Variants in PDE10A observed in about 807,000 individuals in gnomAD.
PDE10A encodes phosphodiesterase 10A, also known as cAMP and cAMP-inhibited cGMP 3',5'-cyclic phosphodiesterase 10A.
Under a neutral mutation model 97.7 loss-of-function variants are expected in PDE10A, and 39 were observed. The ratio of observed to expected loss-of-function variants is 0.40; its 90% CI spans 0.31 to 0.52. The LOEUF (loss-of-function observed/expected upper bound fraction) is 0.52, where lower values mean the gene tolerates loss of function less well. PDE10A is among the 20% of genes least tolerant of loss of function. The pLI, the probability that PDE10A is intolerant of heterozygous loss-of-function variation, is 0.56. For missense variants in PDE10A, 731 were observed against 1,047.8 expected (o/e 0.70, Z 4.17); for synonymous variants, 371 against 376.8 (o/e 0.98, Z 0.18).
intron 1 of PDE10A, among the ~76,000 whole-genome samples, chr6:165,551,143 A>G (rs1021064774): frequency 6.6e-6 from 1 of 152,190 alleles, no homozygotes; most frequent in Non-Finnish European, 1.5e-5. Flanking sequence ...CCAACTGCAT[A>G]CAATTGTTCT....
At chr6:165,443,474 C>T (rs944382616) in intron 5 of PDE10A, among the ~76,000 whole-genome samples, 3 of 152,160 alleles carry the variant, frequency 2.0e-5, no homozygotes, top group East Asian at 1.9e-4. Flanking sequence ...CTTTCATGGG[C>T]TGGTGTTCAA....
intron 1 of PDE10A, among the ~76,000 whole-genome samples, chr6:165,559,627 C>A (rs1337884433): frequency 1.3e-5 from 2 of 152,052 alleles, no homozygotes; most frequent in East Asian, 3.9e-4. Flanking sequence ...AGAGGATAAC[C>A]TTTTGTGGTA....
rs1204173594 is a variant in PDE10A, at chr6:165,661,866, C to T, written c.865+81G>A. 7 of 688,688 alleles carry T rather than the reference C, an allele frequency of 1.0e-5. No homozygotes were observed. The highest frequency in any genetic ancestry group is 3.3e-5 in the South Asian group (2 of 61,248). The allele number at this position is 688,688 out of a possible 1,614,324, so 42.7% of individuals were successfully genotyped here. The stretch of plus-strand genomic sequence containing the variant: ...CACCTCGCTCGACACCCGCTTCCCA[C>T]CCAGCAGTCCAAGCCCCCCACCTGC... On this transcript the variant is annotated intron_variant, in intron 1 of 21. Transcript: ENST00000539869. The surrounding 1 kb of genome is among the most constrained non-coding windows in gnomAD (Gnocchi z 4.8).
At chr6:165,980,133 T>C (rs1784969148) in intron 1 of PDE10A, among the ~76,000 whole-genome samples, 1 of 152,226 alleles carries the variant, frequency 6.6e-6, no homozygotes. Flanking sequence ...GCTGGGACTT[T>C]CTACATTTCA....
At chr6:165,669,110 G>A (rs1042172675) in intron 1 of PDE10A, among the ~76,000 whole-genome samples, 1 of 151,886 alleles carries the variant, frequency 6.6e-6, no homozygotes, top group African/African-American at 2.4e-5. Context: ...TGCAAGAGCA[G>A]CCAATTGGGA....
chr6:165,839,857 CTG>C (rs1780179241), intron 1 of PDE10A, among the ~76,000 whole-genome samples: 19 of 84,864 alleles, frequency 2.2e-4, no homozygotes, highest in African/African-American at 3.1e-4. Context: ...ATCTCCATCC[CTG>C]TCTCCATTCC....
At chr6:165,634,477 A>G (rs888349676) in intron 1 of PDE10A, among the ~76,000 whole-genome samples, 1 of 152,226 alleles carries the variant, frequency 6.6e-6, no homozygotes, top group Non-Finnish European at 1.5e-5. Flanking sequence ...ATAAATGAAG[A>G]TTACTTACCT....
intron 1 of PDE10A, among the ~76,000 whole-genome samples, chr6:165,784,952 A>G (rs1778454329): frequency 6.6e-6 from 1 of 152,220 alleles, no homozygotes; most frequent in African/African-American, 2.4e-5. Context: ...CCAGGAACCA[A>G]TGCTGTCCTT....
chr6:165,363,706 C>T (rs1200850318), intron 18 of PDE10A, among the ~76,000 whole-genome samples: 1 of 151,544 alleles, frequency 6.6e-6, no homozygotes, highest in East Asian at 1.9e-4. Flanking sequence ...ATCGGTAGTA[C>T]AAAAATCAAT....
intron 1 of PDE10A, among the ~76,000 whole-genome samples, chr6:165,685,339 A>G (rs1791085822): frequency 1.3e-5 from 2 of 151,970 alleles, no homozygotes. Flanking sequence ...GCTTGTGCAG[A>G]TGAGTCAAAT....
intron 1 of PDE10A, among the ~76,000 whole-genome samples, chr6:165,753,427 C>A (rs1426712280): frequency 6.6e-6 from 1 of 152,208 alleles, no homozygotes; most frequent in African/African-American, 2.4e-5. Context: ...GAGGGCCAGA[C>A]AAGGGGGCAG....
intron 1 of PDE10A, among the ~76,000 whole-genome samples, chr6:165,889,720 C>T (rs1374362162): frequency 1.3e-5 from 2 of 152,110 alleles, no homozygotes; most frequent in South Asian, 2.1e-4. Context: ...TGACTCTACT[C>T]GGAAACTATG....
chr6:165,575,067 T>G (rs1390679769), intron 1 of PDE10A, among the ~76,000 whole-genome samples: 4 of 152,190 alleles, frequency 2.6e-5, no homozygotes, highest in African/African-American at 2.4e-5. Context: ...CTGTGGTCAC[T>G]GTTCATCTAG....
At chr6:165,780,254 CCAGT>C (rs940689663) in intron 1 of PDE10A, 3 of 152,178 alleles carry the variant, frequency 2.0e-5, no homozygotes, top group Admixed American at 6.5e-5. Flanking sequence ...TTCAAAAAGG[CCAGT>C]CATTTTCTTT....
At chr6:165,907,097 G>A (rs372192725) in intron 1 of PDE10A, among the ~76,000 whole-genome samples, 2 of 152,324 alleles carry the variant, frequency 1.3e-5, no homozygotes, top group African/African-American at 4.8e-5. Context: ...TTTTCAACTA[G>A]GTTTTGAACT....
intron 1 of PDE10A, among the ~76,000 whole-genome samples, chr6:165,691,837 G>A (rs1157636523): frequency 6.6e-6 from 1 of 152,222 alleles, no homozygotes; most frequent in African/African-American, 2.4e-5. Context: ...AATAAACTCT[G>A]AGTGGGTGGA....
intron 2 of PDE10A, among the ~76,000 whole-genome samples, chr6:165,528,142 T>C (rs557470109): frequency 6.6e-6 from 1 of 152,192 alleles, no homozygotes; most frequent in Non-Finnish European, 1.5e-5. Context: ...AGAAGCATGA[T>C]TGGAAAATTG....
At chr6:165,793,437 A>G (rs1778711416) in intron 1 of PDE10A, among the ~76,000 whole-genome samples, 1 of 152,096 alleles carries the variant, frequency 6.6e-6, no homozygotes. Context: ...CATTCTGGAC[A>G]GTGGGAGAGC....
At chr6:165,611,731 T>C (rs79346525) in intron 1 of PDE10A, among the ~76,000 whole-genome samples, 3 of 152,244 alleles carry the variant, frequency 2.0e-5, no homozygotes, top group East Asian at 1.9e-4. Context: ...TTCTGTAAGA[T>C]AGTCTGCCAC....
Sources: allele counts gnomAD v4.1 joint callset (sites outside exome capture counted in the v4.1 genomes callset), GRCh38; gene constraint gnomAD v4.1.1; non-coding constraint Gnocchi (gnomAD v3.1); transcripts MANE v1.5; gene names NCBI Gene and HGNC (gene_info 2026-07-23, HGNC 2026-07-21).